FBXO9: variants seen among roughly 807,000 people sequenced by gnomAD.
FBXO9 encodes the protein F-box protein 9, also known as F-box only protein 9.
In FBXO9, 43 loss-of-function variants were observed where a neutral mutation model predicts 63.7. The ratio of observed to expected loss-of-function variants is 0.67; its 90% CI spans 0.53 to 0.87. FBXO9 has a LOEUF of 0.87. Among genes scored for constraint, FBXO9 ranks in the 40% least tolerant of loss-of-function variants. The probability of loss-of-function intolerance (pLI) is 0.00; values close to 1 mark genes in which losing one functional copy is unlikely to be tolerated. For synonymous variants in FBXO9, 156 were observed against 171.7 expected (o/e 0.91, Z 0.72); for missense variants, 442 against 533.2 (o/e 0.83, Z 1.68).
At position 53,065,553 on chromosome 6, in the gene FBXO9, A is replaced by T. The variant is rs1562060132; in HGVS notation, c.-237A>T. The T allele has an allele frequency of 1.4e-5, 6 of 414,508 alleles. No individual in the cohort carries two copies. The Admixed American group carries it at 2.7e-4, about 18-fold the overall frequency. The allele number at this position is 414,508 out of a possible 1,614,324, so 25.7% of individuals were successfully genotyped here. A position where few individuals can be genotyped will look rare whatever the true frequency, so the allele number is the denominator to read the frequency against. ...TCCCTCCACTCCCCGAGTCCCCGGC[A>T]GCCGCCGCCACCCCAGCGCGCCCCG... On this transcript the variant is annotated 5_prime_UTR_variant, in exon 1 of 13. Coordinates refer to ENST00000323557, the MANE Select transcript of FBXO9 (RefSeq NM_033480.3).
chr6:53,071,051 C>A lies in FBXO9; in HGVS notation c.4-6C>A, dbSNP rs867919519. ...GCCTGACATTATTTGGGTTTTCCCC[C>A]CTCAGGCAGAAGCTGAGGAAGATTG... is the stretch of plus-strand genomic sequence containing the variant. On this transcript the variant is annotated splice_region_variant and splice_polypyrimidine_tract_variant and intron_variant, in intron 1 of 12. Transcript: ENST00000323557. 1.3e-6 allele frequency: 2 copies of A among 1,567,234 alleles called. No individual in the cohort carries two copies. The highest frequency in any genetic ancestry group is 2.3e-5 in the East Asian group (1 of 42,976).
At chr6:53,093,657 GGA>G (rs1763114666) in intron 10 of FBXO9, 96 bp downstream of exon 10, 3 of 966,972 alleles carry the variant, frequency 3.1e-6, no homozygotes, top group Non-Finnish European at 4.6e-6. Context: ...ACTTAATACT[GGA>G]TGATTTTAAA....
At chr6:53,092,404 T>C (rs1408168133) in intron 7 of FBXO9, 25 bp from the exon 8 acceptor site, 2 of 1,536,044 alleles carry the variant, frequency 1.3e-6, no homozygotes, top group Non-Finnish European at 1.8e-6. Context: ...TTAGTTTTTA[T>C]TGACATTGTG....
chr6:53,085,295 A>G (rs958822450), intron 7 of FBXO9, among the ~76,000 whole-genome samples: 3 of 152,180 alleles, frequency 2.0e-5, no homozygotes, highest in African/African-American at 7.2e-5. Flanking sequence ...TATTTAGTCC[A>G]TTGATCTTAA....
intron 3 of FBXO9, among the ~76,000 whole-genome samples, chr6:53,075,676 T>TTC (rs1190938653): frequency 3.3e-5 from 5 of 150,010 alleles, no homozygotes; most frequent in Non-Finnish European, 7.4e-5. Flanking sequence ...TTAATATATA[T>TTC]TCTCTCTCTG....
intron 4 of FBXO9, among the ~76,000 whole-genome samples, chr6:53,077,815 C>T (rs1029617081): frequency 3.9e-5 from 6 of 152,138 alleles, no homozygotes; most frequent in Non-Finnish European, 8.8e-5. Context: ...ATTCGCATCT[C>T]CACTTAGTGT....
Position 53,066,473 on chromosome 6 carries a change from T to G in FBXO9, c.3+681T>G, listed in dbSNP as rs567560810. ...AATACGTAGTCTCTGCCCTATGCCTTTCTTTGGTTTAGAATAAATTGTTCA... is the reference window on the plus strand; with the variant it reads ...AATACGTAGTCTCTGCCCTATGCCTGTCTTTGGTTTAGAATAAATTGTTCA... On this transcript the variant is annotated intron_variant, in intron 1 of 12. Coordinates refer to ENST00000323557, the MANE Select transcript of FBXO9 (RefSeq NM_033480.3). Among the ~76,000 whole-genome samples the G allele has an allele frequency of 3.3e-5, 5 of 152,352 alleles. No individual in the cohort carries two copies. In the South Asian group the frequency reaches 1.0e-3, roughly 32 times the overall value.
chr6:53,092,742 A>G lies in FBXO9; in HGVS notation c.781A>G (p.Ile261Val). 1 of 1,608,250 alleles carries G rather than the reference A, an allele frequency of 6.2e-7. No homozygotes were observed. Among genetic ancestry groups the G allele is most frequent in the East Asian group, 2.2e-5 (1 of 44,796 alleles). ...TAAAATTATTTTCATAGGCGTGTATATCAGTAAAACCACATATATTCGTCA... is the reference window on the plus strand; with the variant it reads ...TAAAATTATTTTCATAGGCGTGTATGTCAGTAAAACCACATATATTCGTCA... The part of the protein sequence containing the change: ...RPRVRFDGVY[I>V]SKTTYIRQGE... The change falls in exon 9 of 13, where the codon ATC (isoleucine) becomes GTC (valine). Residue 261 changes from isoleucine (I) to valine (V), a missense_variant. Physicochemically the swap from Ile to Val is conservative, Grantham distance 29. Around this residue, in one of 2 missense-constraint regions of FBXO9, gnomAD observed 262 missense variants for 362.1 expected, o/e 0.72. Coordinates refer to ENST00000323557, the MANE Select transcript of FBXO9 (RefSeq NM_033480.3).
intron 7 of FBXO9, chr6:53,091,223 T>G (rs202049730): frequency 1.3e-5 from 2 of 152,220 alleles, no homozygotes; most frequent in East Asian, 3.8e-4. Flanking sequence ...GAATAGTCTC[T>G]GCACTCCAGC....
chr6:53,090,840 CT>C (rs1763019908), intron 7 of FBXO9: 1 of 151,986 alleles, frequency 6.6e-6, no homozygotes, highest in African/African-American at 2.4e-5. Context: ...GTCACCATGC[CT>C]GGTTAATTTT....
chr6:53,075,876 T>C (rs896426841), intron 3 of FBXO9, among the ~76,000 whole-genome samples: 1 of 150,678 alleles, frequency 6.6e-6, no homozygotes, highest in Non-Finnish European at 1.5e-5. Context: ...CCAGAGTAGC[T>C]GAGACTGTAG....
At position 53,081,021 on chromosome 6, in the gene FBXO9, A is replaced by G; in HGVS notation, c.461A>G (p.Gln154Arg). 1 of 1,613,740 alleles carries G rather than the reference A, an allele frequency of 6.2e-7. No individual in the cohort carries two copies. Among genetic ancestry groups the G allele is most frequent in the Non-Finnish European group, 8.5e-7 (1 of 1,179,898 alleles). ...ATGGCAGATCTCTTGTCCTACTTCCAGCAGCAACTCACATTTCAGGAGTCT... is the reference window on the plus strand; with the variant it reads ...ATGGCAGATCTCTTGTCCTACTTCCGGCAGCAACTCACATTTCAGGAGTCT... ...SKMADLLSYF[Q>R]QQLTFQESVL... Residue 154 changes from glutamine (Q) to arginine (R), a missense_variant, in exon 6 of 13, where the codon CAG (glutamine) becomes CGG (arginine). By Grantham distance (43) the Gln-to-Arg change is conservative. Transcript: ENST00000323557.
At chr6:53,074,600 T>G (rs1031010618) in intron 3 of FBXO9, among the ~76,000 whole-genome samples, 4 of 152,250 alleles carry the variant, frequency 2.6e-5, no homozygotes, top group African/African-American at 9.6e-5. Context: ...AGAACTGTTT[T>G]ATAGTTATAT....
intron 11 of FBXO9, chr6:53,094,706 C>T (rs764450357): frequency 1.2e-4 from 51 of 420,580 alleles, no homozygotes; most frequent in Admixed American, 4.8e-4. Context: ...GGCAGAGTTT[C>T]ATCTGCGAGT....
chr6:53,081,210 G>A (rs747408819), intron 6 of FBXO9, 112 bp downstream of exon 6: 137 of 979,058 alleles, frequency 1.4e-4, no homozygotes, highest in Non-Finnish European at 1.3e-4. Flanking sequence ...TTCAGAATAT[G>A]GTGGAAGATC....
At chr6:53,069,542 A>G (rs1187750105) in intron 1 of FBXO9, among the ~76,000 whole-genome samples, 1 of 152,234 alleles carries the variant, frequency 6.6e-6, no homozygotes, top group Non-Finnish European at 1.5e-5. Context: ...GAAAAAAGAA[A>G]TAGCAGAATC....
chr6:53,082,571 A>T lies in FBXO9; in HGVS notation c.606A>T (p.Ser202=). ...WVVSSDLDLR[S]LEQLSLVCRG... ...TGTCTAGTGACTTGGACCTCAGATC[A>T]TTGGAGCAGTTGTCGCTGGTGTGCA... Residue 202 remains serine, a synonymous_variant, in exon 7 of 13, where the codon TCA becomes TCT. Coordinates refer to ENST00000323557, the MANE Select transcript of FBXO9 (RefSeq NM_033480.3). 1.9e-6 allele frequency: 3 copies of T among 1,613,804 alleles called. No individual in the cohort carries two copies. The highest frequency in any genetic ancestry group is 2.5e-6 in the Non-Finnish European group (3 of 1,179,750).
At position 53,097,720 on chromosome 6, in the gene FBXO9, A is replaced by G. The variant is rs776688704; in HGVS notation, c.1206-2A>G. ...TAGTAATTTTGTGCTTTTTTTTTAC[A>G]GATCAACTGGTGAGACTGCAGTCAG... On this transcript the variant is annotated splice_acceptor_variant, in intron 12 of 12. Coordinates refer to ENST00000323557, the MANE Select transcript of FBXO9 (RefSeq NM_033480.3). LOFTEE classifies it high-confidence loss of function. 6.3e-7 allele frequency: 1 copy of G among 1,576,586 alleles called. No homozygotes were observed. The highest frequency in any genetic ancestry group is 8.6e-7 in the Non-Finnish European group (1 of 1,156,768).
At position 53,097,904 on chromosome 6, in the gene FBXO9, A is replaced by ATGTGTG. The variant is rs755980710; in HGVS notation, c.*81_*86dup. The ATGTGTG allele has an allele frequency of 1.3e-4, 28 of 219,892 alleles. No homozygotes were observed. The highest frequency in any genetic ancestry group is 6.2e-4 in the African/African-American group (13 of 21,118). The allele number at this position is 219,892 out of a possible 1,614,324, so 13.6% of individuals were successfully genotyped here. ...GCGCAAAAGAGCACCTAAGTTATAA[A>ATGTGTG]TGTGTGTGTGTGCGTGTGTGTGTAT... On this transcript the variant is annotated 3_prime_UTR_variant, in exon 13 of 13. Coordinates refer to ENST00000323557, the MANE Select transcript of FBXO9 (RefSeq NM_033480.3).
Sources: allele counts gnomAD v4.1 joint callset (sites outside exome capture counted in the v4.1 genomes callset), GRCh38; gene constraint gnomAD v4.1.1; regional missense constraint gnomAD v4.1.1; transcripts MANE v1.5; gene names NCBI Gene and HGNC (gene_info 2026-07-23, HGNC 2026-07-21).